SPMAP2L: variants seen among roughly 807,000 people sequenced by gnomAD.
SPMAP2L encodes the protein sperm microtubule associated protein 2 like.
chr4:56,548,904 T>G, the SPMAP2L span: 2 of 982,556 alleles, frequency 2.0e-6, no homozygotes, highest in Non-Finnish European at 2.7e-6. Context: ...TCATTTGACG[T>G]GGGTCTACCT....
At chr4:56,567,929 T>A in the SPMAP2L span, among the ~76,000 whole-genome samples, 1 of 152,224 alleles carries the variant, frequency 6.6e-6, no homozygotes, top group Admixed American at 6.5e-5. Flanking sequence ...TTATTTCAGA[T>A]ATTTTTTCTG....
chr4:56,581,206 G>A, the SPMAP2L span, among the ~76,000 whole-genome samples: 1 of 152,056 alleles, frequency 6.6e-6, no homozygotes, highest in Non-Finnish European at 1.5e-5. Flanking sequence ...TATAATCACA[G>A]CACTTTGGGA....
the SPMAP2L span, among the ~76,000 whole-genome samples, chr4:56,589,402 C>CT: frequency 6.6e-6 from 1 of 152,086 alleles, no homozygotes; most frequent in Non-Finnish European, 1.5e-5. Context: ...CTTAGTCTTG[C>CT]TTTGGCTATT....
chr4:56,613,083 C>G, the SPMAP2L span, among the ~76,000 whole-genome samples: 2 of 152,122 alleles, frequency 1.3e-5, no homozygotes, highest in African/African-American at 4.8e-5. Context: ...ATAACTCTTC[C>G]CCTTCTTCCC....
chr4:56,554,458 A>G, the SPMAP2L span, among the ~76,000 whole-genome samples: 7 of 152,214 alleles, frequency 4.6e-5, no homozygotes, highest in Admixed American at 4.6e-4. Context: ...GCTTATTTGT[A>G]TATCTTCTTT....
the SPMAP2L span, among the ~76,000 whole-genome samples, chr4:56,536,556 C>T: frequency 4.6e-5 from 7 of 152,196 alleles, no homozygotes; most frequent in African/African-American, 7.2e-5. Flanking sequence ...TCAAGCTTGC[C>T]TGGAACAAGT....
the SPMAP2L span, among the ~76,000 whole-genome samples, chr4:56,560,177 G>A: frequency 2.0e-5 from 3 of 152,214 alleles, no homozygotes; most frequent in African/African-American, 7.2e-5. Context: ...ATTTTTTCAA[G>A]TTAGGGGCTC....
the SPMAP2L span, among the ~76,000 whole-genome samples, chr4:56,559,931 C>T: frequency 6.6e-5 from 10 of 152,256 alleles, no homozygotes; most frequent in South Asian, 2.1e-4. Flanking sequence ...AATTGTTCAA[C>T]GTGCAGTCAA....
chr4:56,618,576 T>A, the SPMAP2L span, among the ~76,000 whole-genome samples: 75,425 of 151,854 alleles, frequency 0.5, 20,039 homozygotes, highest in African/African-American at 0.69. Context: ...GCCCCTCATA[T>A]AACCATCAGA....
the SPMAP2L span, among the ~76,000 whole-genome samples, chr4:56,582,665 A>G: frequency 6.6e-6 from 1 of 152,188 alleles, no homozygotes; most frequent in East Asian, 1.9e-4. Flanking sequence ...CAGTGCCTCA[A>G]AATGTTAAAT....
chr4:56,559,560 T>C, the SPMAP2L span: 8 of 1,437,926 alleles, frequency 5.6e-6, no homozygotes, highest in Non-Finnish European at 7.3e-6. Context: ...TATCAGGAGG[T>C]TTTTTGTTGT....
At chr4:56,574,311 C>T in the SPMAP2L span, among the ~76,000 whole-genome samples, 1 of 152,166 alleles carries the variant, frequency 6.6e-6, no homozygotes, top group Admixed American at 6.5e-5. Flanking sequence ...CCCCCCTACT[C>T]AGGAGGCTGA....
the SPMAP2L span, chr4:56,593,287 T>C: frequency 5.9e-6 from 7 of 1,185,176 alleles, no homozygotes; most frequent in East Asian, 1.6e-4. Flanking sequence ...GCAGCTGTGC[T>C]ACAGACACAA....
At chr4:56,543,911 T>A in the SPMAP2L span, among the ~76,000 whole-genome samples, 1 of 143,660 alleles carries the variant, frequency 7.0e-6, no homozygotes, top group Non-Finnish European at 1.5e-5. Context: ...TGTGTGTGTG[T>A]GTGTGTGTGT....
the SPMAP2L span, chr4:56,530,921 C>G: frequency 6.5e-7 from 1 of 1,535,206 alleles, no homozygotes; most frequent in Non-Finnish European, 8.7e-7. Flanking sequence ...CCTCATGAGT[C>G]CTATGAGCCC....
At chr4:56,571,137 A>C in the SPMAP2L span, among the ~76,000 whole-genome samples, 2 of 151,374 alleles carry the variant, frequency 1.3e-5, no homozygotes, top group South Asian at 4.2e-4. Flanking sequence ...TAAAAAAAAA[A>C]ACAAAAAACC....
the SPMAP2L span, among the ~76,000 whole-genome samples, chr4:56,531,694 A>G: frequency 6.6e-6 from 1 of 152,330 alleles, no homozygotes; most frequent in South Asian, 2.1e-4. Context: ...TGCTCACGAT[A>G]TGCTCAGTCC....
At chr4:56,618,948 C>G in the SPMAP2L span, among the ~76,000 whole-genome samples, 2 of 152,120 alleles carry the variant, frequency 1.3e-5, no homozygotes, top group African/African-American at 4.8e-5. Flanking sequence ...AGCCCTGTAG[C>G]TTATCTGCTT....
the SPMAP2L span, chr4:56,594,499 G>A: frequency 4.4e-6 from 7 of 1,607,588 alleles, no homozygotes; most frequent in Non-Finnish European, 6.0e-6. Context: ...TCTGTTTCCA[G>A]CCAAACAGGG....
Sources: gnomAD v4.1 joint callset for allele counts (sites outside exome capture counted in the v4.1 genomes callset) on GRCh38, gnomAD v4.1.1 for gene constraint, MANE v1.5 for transcripts, NCBI Gene and HGNC (gene_info 2026-07-23, HGNC 2026-07-21) for gene names.